DPP10: variants seen among roughly 807,000 people sequenced by gnomAD.
DPP10 encodes dipeptidyl peptidase like 10, also known as inactive dipeptidyl peptidase 10.
DPP10 carries 33 observed loss-of-function variants against 120.9 expected under a neutral mutation model. The ratio of observed to expected loss-of-function variants is 0.27; its 90% confidence interval spans 0.21 to 0.37. The LOEUF (loss-of-function observed/expected upper bound fraction) is 0.37, where lower values mean the gene tolerates loss of function less well. Ranked by LOEUF, DPP10 falls within the 10% of genes least tolerant of loss-of-function variation. The pLI is 1.00. For missense variants in DPP10, 816 were observed against 942.8 expected, an observed-to-expected ratio of 0.87 and a Z score of 1.76; for synonymous variants, 337 against 326.1, an observed-to-expected ratio of 1.03 and a Z score of -0.36.
chr2:114,780,882 C>T (rs1332140336), intron 1 of DPP10, among the ~76,000 whole-genome samples: 3 of 152,080 alleles, frequency 2.0e-5, no homozygotes, highest in Non-Finnish European at 2.9e-5. Flanking sequence ...AAGAGCATTA[C>T]AATCTGATTG....
At chr2:115,453,373 A>G (rs2073274335) in intron 3 of DPP10, among the ~76,000 whole-genome samples, 3 of 151,508 alleles carry the variant, frequency 2.0e-5, no homozygotes, top group Admixed American at 6.6e-5. Context: ...CTTAGAATAA[A>G]CAAAATCACA....
At chr2:115,436,490 G>C (rs2071506580) in intron 3 of DPP10, among the ~76,000 whole-genome samples, 2 of 151,582 alleles carry the variant, frequency 1.3e-5, no homozygotes, top group Admixed American at 1.3e-4. Context: ...AAAATATTGA[G>C]GTAAGTGTTA....
intron 3 of DPP10, among the ~76,000 whole-genome samples, chr2:115,457,199 A>T (rs908016711): frequency 6.6e-6 from 1 of 152,142 alleles, no homozygotes; most frequent in Non-Finnish European, 1.5e-5. Flanking sequence ...TGGTGATAGG[A>T]AAATTATATA....
chr2:115,416,644 A>G (rs1346089990), intron 3 of DPP10, among the ~76,000 whole-genome samples: 1 of 152,194 alleles, frequency 6.6e-6, no homozygotes, highest in Admixed American at 6.6e-5. Context: ...ATATTCAGAT[A>G]CTCAATATTC....
intron 3 of DPP10, among the ~76,000 whole-genome samples, chr2:115,356,011 T>C (rs2064358637): frequency 6.6e-6 from 1 of 152,162 alleles, no homozygotes; most frequent in Non-Finnish European, 1.5e-5. Context: ...CTTTGTTCTT[T>C]TTGTTTAGGA....
intron 1 of DPP10, among the ~76,000 whole-genome samples, chr2:114,863,889 G>A (rs1690015794): frequency 6.6e-6 from 1 of 152,078 alleles, no homozygotes; most frequent in South Asian, 2.1e-4. Context: ...AAACTGCTTG[G>A]GACAGGGCCT....
At chr2:115,037,285 A>G (rs1704289630) in intron 1 of DPP10, among the ~76,000 whole-genome samples, 1 of 152,236 alleles carries the variant, frequency 6.6e-6, no homozygotes, top group Non-Finnish European at 1.5e-5. Context: ...GAAACAACGA[A>G]TATACTAAAG....
At position 114,829,360 on chromosome 2, in the gene DPP10, TA is replaced by T. The variant is rs1481778308; in HGVS notation, c.60+386524del. Among the ~76,000 whole-genome samples, 4 of 149,264 alleles carry T rather than the reference TA, an allele frequency of 2.7e-5. 1 individual carries two copies. Among genetic ancestry groups the T allele is most frequent in the African/African-American group, 9.9e-5 (4 of 40,468 alleles). On this transcript the variant is annotated intron_variant, in intron 1 of 25. Transcript: ENST00000410059. ...GTATAGCTATTTACAAAGGGACACATAAGACGTTTTTGTCTTTTTTTTTTTT... is the reference window on the plus strand; with the variant it reads ...GTATAGCTATTTACAAAGGGACACATAGACGTTTTTGTCTTTTTTTTTTTT...
At chr2:114,480,653 G>T (rs538865049) in intron 1 of DPP10, among the ~76,000 whole-genome samples, 1 of 139,428 alleles carries the variant, frequency 7.2e-6, no homozygotes, top group South Asian at 2.2e-4. Flanking sequence ...TGGGAATTGA[G>T]CAAAGAGAAC....
At chr2:115,822,066 A>G (rs571425941) in intron 21 of DPP10, among the ~76,000 whole-genome samples, 2 of 152,064 alleles carry the variant, frequency 1.3e-5, no homozygotes, top group African/African-American at 4.8e-5. Context: ...ATCATCCACA[A>G]CTGATGAATA....
Position 115,689,751 on chromosome 2 carries a change from G to T in DPP10, c.494+12G>T, listed in dbSNP as rs1242184889. On this transcript the variant is annotated intron_variant, in intron 6 of 25. Coordinates refer to ENST00000410059, the MANE Select transcript of DPP10 (RefSeq NM_020868.6). The stretch of plus-strand genomic sequence containing the variant: ...AACATACACACTAGGTAAGTTCTTT[G>T]ATTTTCTAGTTTTCATGAGCAATTG... 3 of 1,604,690 alleles carry T rather than the reference G, an allele frequency of 1.9e-6. No homozygotes were observed. Among genetic ancestry groups the T allele is most frequent in the African/African-American group, 1.3e-5 (1 of 74,592 alleles).
chr2:114,667,794 A>G (rs1698042028), intron 1 of DPP10, among the ~76,000 whole-genome samples: 1 of 152,212 alleles, frequency 6.6e-6, no homozygotes, highest in African/African-American at 2.4e-5. Context: ...AATGCAATCT[A>G]AGTTTAATCA....
chr2:115,439,434 C>G (rs567734919), intron 3 of DPP10, among the ~76,000 whole-genome samples: 5 of 152,324 alleles, frequency 3.3e-5, no homozygotes, highest in African/African-American at 1.2e-4. Context: ...CTTAACACCA[C>G]TGAACTGTAC....
intron 5 of DPP10, among the ~76,000 whole-genome samples, chr2:115,630,604 T>G (rs1575389447): frequency 1.3e-5 from 2 of 152,318 alleles, no homozygotes; most frequent in East Asian, 3.9e-4. Context: ...TATTGAGAAT[T>G]TTTAACATGA....
At chr2:115,364,805 C>G (rs1559488077) in intron 3 of DPP10, among the ~76,000 whole-genome samples, 1 of 152,006 alleles carries the variant, frequency 6.6e-6, no homozygotes, top group Non-Finnish European at 1.5e-5. Flanking sequence ...AAATGAATTA[C>G]TACTTTGGTA....
At chr2:115,254,350 C>T (rs1407975184) in intron 1 of DPP10, among the ~76,000 whole-genome samples, 1 of 152,012 alleles carries the variant, frequency 6.6e-6, no homozygotes, top group African/African-American at 2.4e-5. Context: ...AGGGGAGTGA[C>T]CCCCCATGAT....
At position 114,793,678 on chromosome 2, in the gene DPP10, C is replaced by T. The variant is rs184088944; in HGVS notation, c.60+350840C>T. The stretch of plus-strand genomic sequence containing the variant: ...TCCTAAATATTGTTTAGGCTCAAAG[C>T]GCCTACTTTGGCCATCGGCAAATTA... On this transcript the variant is annotated intron_variant, in intron 1 of 25. Coordinates refer to ENST00000410059, the MANE Select transcript of DPP10 (RefSeq NM_020868.6). Among the ~76,000 whole-genome samples, 833 of 152,226 alleles carry T rather than the reference C, an allele frequency of 5.5e-3. 5 individuals are homozygous for T. Among genetic ancestry groups the T allele is most frequent in the African/African-American group, 0.019 (794 of 41,534 alleles).
intron 4 of DPP10, among the ~76,000 whole-genome samples, chr2:115,502,587 C>T (rs1196353963): frequency 6.6e-6 from 1 of 152,168 alleles, no homozygotes; most frequent in African/African-American, 2.4e-5. Flanking sequence ...AAAATACCGG[C>T]AGCTATAAAT....
intron 1 of DPP10, among the ~76,000 whole-genome samples, chr2:115,218,706 A>C (rs1447923905): frequency 6.6e-6 from 1 of 152,090 alleles, no homozygotes; most frequent in Non-Finnish European, 1.5e-5. Context: ...TGTATACTGG[A>C]AAGACTTATA....
Sources: allele counts gnomAD v4.1 joint callset (sites outside exome capture counted in the v4.1 genomes callset), GRCh38; gene constraint gnomAD v4.1.1; transcripts MANE v1.5; gene names NCBI Gene and HGNC (gene_info 2026-07-23, HGNC 2026-07-21).